KCNIP3: variants seen among roughly 807,000 people sequenced by gnomAD.
The protein encoded by KCNIP3 is calsenilin.
In KCNIP3, 28 loss-of-function variants were observed where a neutral mutation model predicts 35.0. That is an observed-to-expected ratio of 0.80 (90% CI 0.59 to 1.10). The LOEUF (loss-of-function observed/expected upper bound fraction) is 1.10, where lower values mean the gene tolerates loss of function less well. Ranked by LOEUF, KCNIP3 falls within the 50% of genes least tolerant of loss-of-function variation. KCNIP3 has a pLI of 0.00. For synonymous variants in KCNIP3, 134 were observed against 133.8 expected, an observed-to-expected ratio of 1.00 and a Z score of -0.01; for missense variants, 295 against 338.4, an observed-to-expected ratio of 0.87 and a Z score of 1.01.
intron 2 of KCNIP3, among the ~76,000 whole-genome samples, chr2:95,325,751 TCATACACA>T (rs1481110614): frequency 1.5e-5 from 2 of 129,664 alleles, no homozygotes; most frequent in African/African-American, 2.9e-5. Flanking sequence ...ACACACGCAC[TCATACACA>T]CATACACACT....
intron 2 of KCNIP3, among the ~76,000 whole-genome samples, 174 bp from the exon 3 acceptor site, chr2:95,374,121 TG>T (rs1316580131): frequency 6.6e-6 from 1 of 152,314 alleles, no homozygotes; most frequent in African/African-American, 2.4e-5. Flanking sequence ...AGCTCTTGTG[TG>T]GGCCACTCAG....
At chr2:95,333,285 A>G (rs1678977895) in intron 2 of KCNIP3, among the ~76,000 whole-genome samples, 1 of 152,274 alleles carries the variant, frequency 6.6e-6, no homozygotes, top group South Asian at 2.1e-4. Flanking sequence ...TGCAGCATGT[A>G]GTGCCACATC....
intron 2 of KCNIP3, among the ~76,000 whole-genome samples, chr2:95,369,086 G>C (rs1220661105): frequency 6.6e-6 from 1 of 152,200 alleles, no homozygotes; most frequent in Non-Finnish European, 1.5e-5. Flanking sequence ...TTACCGTTAA[G>C]AATGATGTTA....
At chr2:95,301,148 C>T (rs1426426793) in intron 1 of KCNIP3, among the ~76,000 whole-genome samples, 1 of 152,256 alleles carries the variant, frequency 6.6e-6, no homozygotes, top group Non-Finnish European at 1.5e-5. Flanking sequence ...GTAGCCCCAC[C>T]TCTGCCCCAC....
chr2:95,340,675 G>A (rs116029043), intron 2 of KCNIP3, among the ~76,000 whole-genome samples: 48 of 152,320 alleles, frequency 3.2e-4, no homozygotes, highest in African/African-American at 1.1e-3. Flanking sequence ...AAGAGATGCC[G>A]GAAGAGACGG....
At chr2:95,323,984 C>T (rs1310821874) in intron 2 of KCNIP3, among the ~76,000 whole-genome samples, 13 of 152,318 alleles carry the variant, frequency 8.5e-5, no homozygotes, top group Admixed American at 3.9e-4. Flanking sequence ...ATCCACACTC[C>T]GGGCCTGCAC....
At position 95,381,421 on chromosome 2, in the gene KCNIP3, G is replaced by A. The variant is rs553951787; in HGVS notation, c.448-175G>A. 1.9e-3 allele frequency among the ~76,000 whole-genome samples: 296 copies of A among 152,316 alleles called. 1 individual carries two copies. The highest frequency in any genetic ancestry group is 3.1e-3 in the Non-Finnish European group (211 of 68,034). ...CACACACAGGTGCACACCCGTGCATGCGCTCACACACGGGCACACACTCAC... is the reference window on the plus strand; with the variant it reads ...CACACACAGGTGCACACCCGTGCATACGCTCACACACGGGCACACACTCAC... On this transcript the variant is annotated intron_variant, in intron 5 of 8. Coordinates refer to ENST00000295225, the MANE Select transcript of KCNIP3 (RefSeq NM_013434.5).
chr2:95,332,863 G>T (rs1678965509), intron 2 of KCNIP3, among the ~76,000 whole-genome samples: 1 of 152,162 alleles, frequency 6.6e-6, no homozygotes, highest in Admixed American at 6.5e-5. Context: ...AAGACCTTTT[G>T]TCCCTCTGGG....
intron 2 of KCNIP3, among the ~76,000 whole-genome samples, chr2:95,324,724 A>C (rs1208586420): frequency 6.6e-6 from 1 of 151,678 alleles, no homozygotes; most frequent in African/African-American, 2.4e-5. Context: ...CAGCCTGGCC[A>C]ATATGGTGAA....
chr2:95,339,581 CAA>C (rs34967390), intron 2 of KCNIP3, among the ~76,000 whole-genome samples: 4 of 118,712 alleles, frequency 3.4e-5, no homozygotes, highest in Admixed American at 8.5e-5. Context: ...AAGACCCTGT[CAA>C]AAAAAAAAAA....
intron 2 of KCNIP3, among the ~76,000 whole-genome samples, chr2:95,335,742 A>C (rs1370378434): frequency 6.6e-6 from 1 of 152,130 alleles, no homozygotes; most frequent in East Asian, 1.9e-4. Context: ...AATTTATTCA[A>C]GTTCTAAGTA....
chr2:95,352,699 C>G (rs1430128751), intron 2 of KCNIP3, among the ~76,000 whole-genome samples: 1 of 152,172 alleles, frequency 6.6e-6, no homozygotes, highest in Non-Finnish European at 1.5e-5. Flanking sequence ...CCCTCCCTTG[C>G]CTTTCCCCCA....
chr2:95,326,230 C>T (rs552568001), intron 2 of KCNIP3, among the ~76,000 whole-genome samples: 1 of 134,868 alleles, frequency 7.4e-6, no homozygotes, highest in Non-Finnish European at 1.6e-5. Flanking sequence ...CATACACATA[C>T]ACATACACAC....
chr2:95,375,560 G>C (rs183239850), intron 5 of KCNIP3, among the ~76,000 whole-genome samples: 3 of 152,010 alleles, frequency 2.0e-5, no homozygotes, highest in East Asian at 3.9e-4. Context: ...GTTTGCTGAC[G>C]GTGGGATGTG....
intron 2 of KCNIP3, among the ~76,000 whole-genome samples, chr2:95,318,147 C>T (rs1272098452): frequency 1.3e-5 from 2 of 152,104 alleles, no homozygotes; most frequent in African/African-American, 2.4e-5. Flanking sequence ...GACCTGGGGA[C>T]AGTGAATGCC....
intron 1 of KCNIP3, chr2:95,303,279 G>C (rs1963366): frequency 0.97 from 148,511 of 152,480 alleles, 72,338 homozygotes; most frequent in East Asian, 1. Context: ...AGGGGACCTA[G>C]AGTGTAGGGA....
At chr2:95,363,404 C>T in intron 2 of KCNIP3, among the ~76,000 whole-genome samples, 1 of 152,154 alleles carries the variant, frequency 6.6e-6, no homozygotes, top group Non-Finnish European at 1.5e-5. Flanking sequence ...GAAATTCCCT[C>T]CTACACGTCA....
chr2:95,329,605 C>T (rs1006273465), intron 2 of KCNIP3, among the ~76,000 whole-genome samples: 4 of 152,352 alleles, frequency 2.6e-5, no homozygotes, highest in African/African-American at 4.8e-5. Flanking sequence ...GCTCCATCAC[C>T]GCTGGTCTCA....
chr2:95,352,851 G>GGGA (rs1461993987), intron 2 of KCNIP3, among the ~76,000 whole-genome samples: 2 of 152,206 alleles, frequency 1.3e-5, no homozygotes, highest in East Asian at 3.9e-4. Context: ...ATGTCCAGGA[G>GGGA]GGAGACAGGA....
Sources: gnomAD v4.1 joint callset for allele counts (sites outside exome capture counted in the v4.1 genomes callset) on GRCh38, gnomAD v4.1.1 for gene constraint, MANE v1.5 for transcripts, NCBI Gene and HGNC (gene_info 2026-07-23, HGNC 2026-07-21) for gene names.